The following SORBS2 variants were observed in gnomAD, a reference collection of about 807,000 sequenced individuals.
SORBS2 encodes sorbin and SH3 domain-containing protein 2.
A neutral mutation model predicts 97.7 loss-of-function variants in SORBS2; 46 were observed. That is an observed-to-expected ratio of 0.47 (90% confidence interval 0.37 to 0.60). The LOEUF (loss-of-function observed/expected upper bound fraction) is 0.60, where lower values mean the gene tolerates loss of function less well. Among genes scored for constraint, SORBS2 ranks in the 20% least tolerant of loss-of-function variants. The pLI, the probability that SORBS2 is intolerant of heterozygous loss-of-function variation, is 0.00. For synonymous variants in SORBS2, 476 were observed against 473.4 expected (o/e 1.01, Z -0.07); for missense variants, 1,316 against 1,282.3 (o/e 1.03, Z -0.40).
chr4:185,624,527 A>T, intron 6 of SORBS2, 33 bp from the exon 19 acceptor site: 1 of 1,555,540 alleles, frequency 6.4e-7, no homozygotes, highest in Non-Finnish European at 8.6e-7. Context: ...TAGAAGAGAG[A>T]CATTTGGAGA....
At chr4:185,673,160 C>T (rs183658631) in intron 4 of SORBS2, among the ~76,000 whole-genome samples, 72 of 152,172 alleles carry the variant, frequency 4.7e-4, no homozygotes, top group Admixed American at 1.6e-3. Context: ...GGTTGCCAGG[C>T]GCTTGGGGAA....
chr4:185,678,430 G>C, exon 4 of SORBS2: 1 of 1,549,666 alleles, frequency 6.5e-7, no homozygotes, highest in South Asian at 1.2e-5. Flanking sequence ...TACCTGAGTT[G>C]GTGATCTTTT....
At chr4:185,802,469 C>T (rs750320781) in intron 1 of SORBS2, among the ~76,000 whole-genome samples, 4 of 152,180 alleles carry the variant, frequency 2.6e-5, no homozygotes, top group Admixed American at 2.0e-4. Context: ...TTAAGTTGTA[C>T]CCAGAACTTA....
At chr4:185,864,429 T>C (rs1448492990) in intron 1 of SORBS2, among the ~76,000 whole-genome samples, 12 of 152,220 alleles carry the variant, frequency 7.9e-5, no homozygotes, top group African/African-American at 2.9e-4. Flanking sequence ...TTGTAAACTT[T>C]TCTATAAAGC....
chr4:185,852,497 T>C (rs2099218469), intron 1 of SORBS2, among the ~76,000 whole-genome samples: 1 of 152,216 alleles, frequency 6.6e-6, no homozygotes, highest in Non-Finnish European at 1.5e-5. Flanking sequence ...TTAATTTGAG[T>C]CTATCCTAGA....
At chr4:185,810,194 C>T (rs549182613) in intron 1 of SORBS2, among the ~76,000 whole-genome samples, 1 of 152,368 alleles carries the variant, frequency 6.6e-6, no homozygotes. Context: ...ACATGTTTGG[C>T]TCCACTGAGA....
rs527966299 is a variant in SORBS2, at chr4:185,875,874, CT to C, written c.-338+80321del. 2.6e-4 allele frequency among the ~76,000 whole-genome samples: 40 copies of C among 152,250 alleles called. No individual in the cohort carries two copies. The South Asian group carries it at 8.1e-3, about 31-fold the overall frequency. On this transcript the variant is annotated intron_variant, in intron 1 of 20. Transcript: ENST00000284776. ...TCAGGTAATAACATGACTTCCAAGA[CT>C]TTTTCCCCCTCATTACACTCAAATA...
At chr4:185,615,309 C>T (rs1581018006) in intron 9 of SORBS2, 150 bp from the exon 22 acceptor site, 1 of 612,076 alleles carries the variant, frequency 1.6e-6, no homozygotes. Context: ...TAAGAATGAT[C>T]CTTGCAAATT....
At chr4:185,899,986 C>T (rs190208533) in intron 1 of SORBS2, among the ~76,000 whole-genome samples, 43 of 152,212 alleles carry the variant, frequency 2.8e-4, no homozygotes, top group African/African-American at 7.2e-4. Context: ...CACATGGTGG[C>T]ACACATCTGT....
chr4:185,836,653 A>G (rs2099208252), intron 1 of SORBS2, among the ~76,000 whole-genome samples: 1 of 152,184 alleles, frequency 6.6e-6, no homozygotes. Flanking sequence ...ACACAAATAG[A>G]AAGTGGCGGG....
chr4:185,643,959 T>A (rs1015751984), intron 4 of SORBS2, among the ~76,000 whole-genome samples: 3 of 152,146 alleles, frequency 2.0e-5, no homozygotes, highest in African/African-American at 7.2e-5. Context: ...ATGTAAACTA[T>A]ATCAGTACGC....
chr4:185,689,835 T>A (rs568336561), intron 2 of SORBS2, among the ~76,000 whole-genome samples: 1 of 152,318 alleles, frequency 6.6e-6, no homozygotes, highest in South Asian at 2.1e-4. Flanking sequence ...CACTTGTGGA[T>A]AGGAAATGGT....
intron 4 of SORBS2, among the ~76,000 whole-genome samples, chr4:185,633,722 T>A (rs189251770): frequency 0.028 from 3,426 of 122,474 alleles, 128 homozygotes; most frequent in African/African-American, 0.09. Flanking sequence ...AAGAGAGATA[T>A]ATTTTTTTTT....
intron 2 of SORBS2, among the ~76,000 whole-genome samples, chr4:185,719,302 A>G (rs748330014): frequency 6.6e-6 from 1 of 152,338 alleles, no homozygotes; most frequent in Non-Finnish European, 1.5e-5. Context: ...AGGTAATCAG[A>G]CTTGCCGGTA....
intron 2 of SORBS2, chr4:185,761,694 A>G (rs977566845): frequency 6.6e-6 from 1 of 152,202 alleles, no homozygotes; most frequent in East Asian, 1.9e-4. Context: ...TCCGAAAGAG[A>G]ATCTGAGGAA....
At chr4:185,723,203 T>C (rs2098529706) in intron 2 of SORBS2, among the ~76,000 whole-genome samples, 1 of 152,142 alleles carries the variant, frequency 6.6e-6, no homozygotes, top group African/African-American at 2.4e-5. Flanking sequence ...GGGGCACAAC[T>C]CTGGCCATAG....
At chr4:185,705,451 C>T (rs2098329555) in intron 2 of SORBS2, among the ~76,000 whole-genome samples, 1 of 152,012 alleles carries the variant, frequency 6.6e-6, no homozygotes, top group Non-Finnish European at 1.5e-5. Flanking sequence ...GAGGCTGAGG[C>T]AGGAGAATCG....
intron 3 of SORBS2, among the ~76,000 whole-genome samples, chr4:185,648,419 G>A (rs551882876): frequency 2.2e-4 from 33 of 151,738 alleles, no homozygotes; most frequent in South Asian, 2.1e-4. Context: ...CCCGGGAGTC[G>A]GAGGTTGCAG....
At chr4:185,670,976 A>G (rs1020409169) in intron 4 of SORBS2, among the ~76,000 whole-genome samples, 2 of 152,188 alleles carry the variant, frequency 1.3e-5, no homozygotes, top group African/African-American at 4.8e-5. Context: ...AGTATCATGG[A>G]AACCCATGGG....
Sources: allele counts gnomAD v4.1 joint callset (sites outside exome capture counted in the v4.1 genomes callset), GRCh38; gene constraint gnomAD v4.1.1; transcripts MANE v1.5; gene names NCBI Gene and HGNC (gene_info 2026-07-23, HGNC 2026-07-21).